The following CCDC178 variants were observed in gnomAD, a reference collection of about 807,000 sequenced individuals.
CCDC178 encodes the protein coiled-coil domain-containing protein 178.
In CCDC178, 126 loss-of-function variants were observed where a neutral mutation model predicts 117.4. The ratio of observed to expected loss-of-function variants is 1.07; its 90% CI spans 0.93 to 1.24. The LOEUF (loss-of-function observed/expected upper bound fraction) is 1.24, where lower values mean the gene tolerates loss of function less well. Among genes scored for constraint, CCDC178 ranks in the 50% most tolerant of loss-of-function variants. CCDC178 has a pLI of 0.00. For missense variants in CCDC178, 1,030 were observed against 986.9 expected, an observed-to-expected ratio of 1.04 and a Z score of -0.59; for synonymous variants, 283 against 313.4, an observed-to-expected ratio of 0.90 and a Z score of 1.02.
intron 14 of CCDC178, among the ~76,000 whole-genome samples, chr18:33,252,116 A>G (rs909549139): frequency 1.3e-5 from 2 of 151,762 alleles, no homozygotes; most frequent in African/African-American, 4.8e-5. Flanking sequence ...GGTTATCTGA[A>G]AGCGGATAAT....
chr18:33,208,714 G>A (rs1178003505), intron 20 of CCDC178, among the ~76,000 whole-genome samples: 2 of 151,984 alleles, frequency 1.3e-5, no homozygotes, highest in South Asian at 2.1e-4. Context: ...AGTACCTGGT[G>A]GTCAAATGAA....
At chr18:33,305,389 C>T (rs1046138575) in intron 11 of CCDC178, among the ~76,000 whole-genome samples, 10 of 152,084 alleles carry the variant, frequency 6.6e-5, no homozygotes, top group Admixed American at 4.6e-4. Flanking sequence ...ACACTCACCC[C>T]AAATCAGGGT....
In CCDC178 at chr18:33,097,592, G is replaced by A. The variant is rs551661164; in HGVS notation, c.2239-4682C>T. The stretch of plus-strand genomic sequence containing the variant: ...AGCTGGGCTTTGCATCATCAAGTCA[G>A]ACTGGCTCCAGATCCTGTACCCTTA... On this transcript the variant is annotated intron_variant, in intron 20 of 22. Coordinates refer to ENST00000383096, the MANE Select transcript of CCDC178 (RefSeq NM_001105528.4). Among the ~76,000 whole-genome samples the A allele has an allele frequency of 7.1e-4, 108 of 152,230 alleles. 1 individual carries two copies. In the South Asian group the frequency reaches 0.016, roughly 22 times the overall value.
intron 5 of CCDC178, among the ~76,000 whole-genome samples, chr18:33,375,506 T>A (rs577887767): frequency 1.3e-5 from 2 of 152,204 alleles, no homozygotes; most frequent in South Asian, 4.1e-4. Context: ...GCCTGCAGAA[T>A]CCTATGCAGA....
At position 33,155,283 on chromosome 18, in the gene CCDC178, A is replaced by T. The variant is rs573905578; in HGVS notation, c.2238+56613T>A. Among the ~76,000 whole-genome samples the T allele has an allele frequency of 5.3e-5, 8 of 152,172 alleles. No individual in the cohort carries two copies. In the Middle Eastern group the frequency reaches 0.014, roughly 259 times the overall value. On this transcript the variant is annotated intron_variant, in intron 20 of 22. Coordinates refer to ENST00000383096, the MANE Select transcript of CCDC178 (RefSeq NM_001105528.4). ...TCTCATGGGTTAAAAAAAGAAACTG[A>T]ATGGGAAATTTGAACATTTACGGTA...
chr18:32,992,927 A>G (rs1270151144), intron 21 of CCDC178, among the ~76,000 whole-genome samples: 1 of 152,126 alleles, frequency 6.6e-6, no homozygotes, highest in Non-Finnish European at 1.5e-5. Flanking sequence ...GCACTTTGGG[A>G]GGCCAAGGAG....
chr18:33,166,516 A>C (rs539471517), intron 20 of CCDC178, among the ~76,000 whole-genome samples: 1 of 152,238 alleles, frequency 6.6e-6, no homozygotes, highest in Non-Finnish European at 1.5e-5. Context: ...TTTTCAGGGA[A>C]TAGTTTCCCT....
chr18:33,304,744 C>T (rs2062225468), intron 11 of CCDC178, among the ~76,000 whole-genome samples: 1 of 152,102 alleles, frequency 6.6e-6, no homozygotes, highest in Non-Finnish European at 1.5e-5. Flanking sequence ...TCAAAAAGAC[C>T]TCAAGCTTTA....
chr18:32,984,811 C>T (rs2055228719), intron 21 of CCDC178, among the ~76,000 whole-genome samples: 1 of 151,972 alleles, frequency 6.6e-6, no homozygotes, highest in Non-Finnish European at 1.5e-5. Context: ...AAAGATTACA[C>T]TGTCAAACAT....
chr18:33,362,099 TTG>T (rs1186218628), intron 6 of CCDC178, among the ~76,000 whole-genome samples: 51 of 151,608 alleles, frequency 3.4e-4, no homozygotes, highest in African/African-American at 1.2e-3. Context: ...AGGAGTGTGT[TTG>T]TGTCTCTGTG....
rs1599258908 is a variant in CCDC178, at chr18:33,389,719, G to C, written c.119-90C>G. On this transcript the variant is annotated intron_variant, in intron 4 of 22. Transcript: ENST00000383096. ...CACCACCATGTAAAAAACTACGTTAGAGAAGTGCTCTCCTTAAAAGAAAAA... is the reference window on the plus strand; with the variant it reads ...CACCACCATGTAAAAAACTACGTTACAGAAGTGCTCTCCTTAAAAGAAAAA... The C allele has an allele frequency of 2.0e-5, 10 of 503,488 alleles. No homozygotes were observed. The East Asian group carries it at 3.6e-4, about 18-fold the overall frequency. 31.2% of individuals were successfully genotyped at this position (503,488 alleles called of 1,614,324 possible).
intron 21 of CCDC178, among the ~76,000 whole-genome samples, chr18:33,079,504 G>A (rs1489461134): frequency 1.3e-5 from 2 of 152,062 alleles, no homozygotes; most frequent in African/African-American, 4.8e-5. Flanking sequence ...TTACAATATG[G>A]GAGAAAATTT....
intron 21 of CCDC178, among the ~76,000 whole-genome samples, chr18:33,049,362 C>T (rs1173917094): frequency 6.6e-6 from 1 of 152,020 alleles, no homozygotes; most frequent in Admixed American, 6.5e-5. Context: ...TATACACATA[C>T]CAAACACATG....
At chr18:33,269,872 T>A (rs573748951) in intron 12 of CCDC178, among the ~76,000 whole-genome samples, 2 of 151,738 alleles carry the variant, frequency 1.3e-5, no homozygotes, top group African/African-American at 4.8e-5. Context: ...GTATAGACTA[T>A]GCAGAATAAA....
Position 33,267,209 on chromosome 18 carries a change from T to C in CCDC178, c.1265A>G (p.Tyr422Cys). 6.3e-7 allele frequency: 1 copy of C among 1,594,876 alleles called. No individual in the cohort carries two copies. The highest frequency in any genetic ancestry group is 1.8e-5 in the Admixed American group (1 of 54,376). The change falls in exon 13 of 23, where the codon TAT (tyrosine) becomes TGT (cysteine). Residue 422 changes from tyrosine (Y) to cysteine (C), a missense_variant. Coordinates refer to ENST00000383096, the MANE Select transcript of CCDC178 (RefSeq NM_001105528.4). ...AGGAAAAAATCAACTTACTGCAGCA[T>C]AAAAATCATTAACTGCTTCCAGATA... ...NQYLEAVNDFYAAKKTWDIEL... is the reference protein window; with the variant it reads ...NQYLEAVNDFCAAKKTWDIEL...
intron 20 of CCDC178, among the ~76,000 whole-genome samples, chr18:33,105,343 T>G (rs1225868794): frequency 6.6e-6 from 1 of 151,660 alleles, no homozygotes; most frequent in Non-Finnish European, 1.5e-5. Flanking sequence ...TGTGAATTTT[T>G]TTGTGCCATA....
At chr18:33,092,937 T>C (rs1169174519) in intron 20 of CCDC178, 27 bp from the exon 21 acceptor site, 1 of 1,384,132 alleles carries the variant, frequency 7.2e-7, no homozygotes. Context: ...TATAATTGAA[T>C]TGTGTGTATA....
intron 15 of CCDC178, among the ~76,000 whole-genome samples, chr18:33,232,096 T>C (rs2059374344): frequency 6.6e-6 from 1 of 152,144 alleles, no homozygotes; most frequent in African/African-American, 2.4e-5. Context: ...AAGGATCACT[T>C]TGAAGAGCTT....
chr18:33,286,297 G>T (rs2060098547), intron 12 of CCDC178, among the ~76,000 whole-genome samples: 1 of 151,974 alleles, frequency 6.6e-6, no homozygotes, highest in Non-Finnish European at 1.5e-5. Flanking sequence ...TTTTCTAAAT[G>T]TTATCCTATT....
Sources: allele counts gnomAD v4.1 joint callset (sites outside exome capture counted in the v4.1 genomes callset), GRCh38; gene constraint gnomAD v4.1.1; transcripts MANE v1.5; gene names NCBI Gene and HGNC (gene_info 2026-07-23, HGNC 2026-07-21).